The following ARHGEF28 variants were observed in gnomAD, a reference collection of about 807,000 sequenced individuals.
The protein encoded by ARHGEF28 is 190 kDa guanine nucleotide exchange factor.
A neutral mutation model predicts 206.6 loss-of-function variants in ARHGEF28; 152 were observed. The ratio of observed to expected loss-of-function variants is 0.74; its 90% confidence interval spans 0.64 to 0.84. The LOEUF (loss-of-function observed/expected upper bound fraction) is 0.84. Ranked by LOEUF, ARHGEF28 falls within the 40% of genes least tolerant of loss-of-function variation. ARHGEF28 has a pLI of 0.00. For synonymous variants in ARHGEF28, 763 were observed against 776.4 expected (o/e 0.98, Z 0.29); for missense variants, 2,028 against 2,073.2 (o/e 0.98, Z 0.42).
At chr5:73,750,567 CT>C (rs1187486572) in intron 3 of ARHGEF28, among the ~76,000 whole-genome samples, 1 of 152,076 alleles carries the variant, frequency 6.6e-6, no homozygotes, top group African/African-American at 2.4e-5. Context: ...GTAATTTCCC[CT>C]GTTGTCTTCT....
chr5:73,809,749 T>C lies in ARHGEF28; in HGVS notation c.1024+14358T>C, dbSNP rs1372295538. The stretch of plus-strand genomic sequence containing the variant: ...CAGCAGTATCTTCTCTGAATAATTA[T>C]AACCTCATGGAAGTTCTTTTCTAGG... On this transcript the variant is annotated intron_variant, in intron 9 of 35. Coordinates refer to ENST00000513042, the MANE Select transcript of ARHGEF28 (RefSeq NM_001177693.2). 2.6e-5 allele frequency among the ~76,000 whole-genome samples: 4 copies of C among 152,244 alleles called. No homozygotes were observed. In the East Asian group the frequency reaches 7.7e-4, roughly 29 times the overall value.
In ARHGEF28 at chr5:73,909,621, G is replaced by T. The variant is rs1333119680; in HGVS notation, c.4371G>T (p.Arg1457Ser). 1 of 1,551,694 alleles carries T rather than the reference G, an allele frequency of 6.4e-7. No homozygotes were observed. Among genetic ancestry groups the T allele is most frequent in the Non-Finnish European group, 8.7e-7 (1 of 1,147,796 alleles). ...LQQEQRRWLR[R>S]CEQQQRAQAT... The stretch of plus-strand genomic sequence containing the variant: ...AGGAGCAGCGGCGCTGGCTGCGCAG[G>T]TGTGAGCAGCAGCAGCGGGCGCAGG... Residue 1457 changes from arginine (R) to serine (S), a missense_variant, in exon 34 of 36, where the codon AGG (arginine) becomes AGT (serine). Physicochemically the swap from Arg to Ser is moderately radical, Grantham distance 110. Transcript: ENST00000513042.
intron 33 of ARHGEF28, among the ~76,000 whole-genome samples, chr5:73,907,998 T>C (rs1418616188): frequency 1.3e-5 from 2 of 152,210 alleles, no homozygotes; most frequent in Non-Finnish European, 2.9e-5. Context: ...AGTGGTGATG[T>C]ATAGTCTACA....
chr5:73,719,412 G>GAA (rs34402245), intron 2 of ARHGEF28, among the ~76,000 whole-genome samples: 13 of 114,082 alleles, frequency 1.1e-4, no homozygotes, highest in Middle Eastern at 4.7e-3. Flanking sequence ...CTCCGTCTCA[G>GAA]AAAAAAAAAA....
At chr5:73,660,190 C>G (rs1482853109) in intron 1 of ARHGEF28, among the ~76,000 whole-genome samples, 1 of 152,180 alleles carries the variant, frequency 6.6e-6, no homozygotes, top group African/African-American at 2.4e-5. Flanking sequence ...GTCTTTTCAA[C>G]AACGTTCACA....
At position 73,892,144 on chromosome 5, in the gene ARHGEF28, T is replaced by C. The variant is rs756098104; in HGVS notation, c.3480T>C (p.Ser1160=). ...GAATGTTTCTGATCAGTGCTTCATC[T>C]GCTGGTCCTGAGATGTATGAAATTC... ...ERGMFLISAS[S]AGPEMYEIHT... is the part of the protein sequence containing the mutation. Residue 1160 remains serine (S), a synonymous_variant, in exon 27 of 36, where the codon TCT becomes TCC. Coordinates refer to ENST00000513042, the MANE Select transcript of ARHGEF28 (RefSeq NM_001177693.2). The C allele has an allele frequency of 1.3e-6, 2 of 1,587,624 alleles. No individual in the cohort carries two copies. The highest frequency in any genetic ancestry group is 4.5e-5 in the East Asian group (2 of 44,274).
rs1055110011 is a variant in ARHGEF28, at chr5:73,643,895, A to G, written c.-12+17573A>G. ...TTTTATTTTGAGATTATCACTGGAA[A>G]TATCTTTGTCATCTAGATGTGGGGA... On this transcript the variant is annotated intron_variant, in intron 1 of 35. Coordinates refer to ENST00000513042, the MANE Select transcript of ARHGEF28 (RefSeq NM_001177693.2). Among the ~76,000 whole-genome samples the G allele has an allele frequency of 3.9e-5, 6 of 152,186 alleles. No individual in the cohort carries two copies. In the South Asian group the frequency reaches 8.3e-4, roughly 21 times the overall value.
intron 1 of ARHGEF28, among the ~76,000 whole-genome samples, chr5:73,669,308 C>T (rs1242634649): frequency 6.6e-6 from 1 of 152,002 alleles, no homozygotes; most frequent in Non-Finnish European, 1.5e-5. Flanking sequence ...TAGTAGCCAC[C>T]ACAAAGGAGA....
At chr5:73,687,625 G>A (rs1300281610) in intron 2 of ARHGEF28, among the ~76,000 whole-genome samples, 1 of 152,000 alleles carries the variant, frequency 6.6e-6, no homozygotes, top group African/African-American at 2.4e-5. Context: ...TTTTGGGGAA[G>A]AACCTGCTCT....
At chr5:73,812,561 C>T (rs1755908645) in intron 9 of ARHGEF28, among the ~76,000 whole-genome samples, 1 of 152,094 alleles carries the variant, frequency 6.6e-6, no homozygotes, top group Non-Finnish European at 1.5e-5. Flanking sequence ...TTATTTGGGG[C>T]ATGGATATCT....
In ARHGEF28 at chr5:73,940,873, A is replaced by AC. The variant is rs1050477872; in HGVS notation, c.4984dup (p.His1662ProfsTer2). 1.0e-5 allele frequency: 16 copies of AC among 1,527,142 alleles called. No individual in the cohort carries two copies. The highest frequency in any genetic ancestry group is 1.4e-5 in the African/African-American group (1 of 72,404). The allele number at this position is 1,527,142 out of a possible 1,614,324, so 94.6% of individuals were successfully genotyped here. On this transcript the variant is annotated frameshift_variant, in exon 36 of 36. Coordinates refer to ENST00000513042, the MANE Select transcript of ARHGEF28 (RefSeq NM_001177693.2). LOFTEE classifies it low-confidence loss of function (END_TRUNC). ...GGACACCTCCCACACTGAGTCCCCA[A>AC]CCCCCCATGACTCAAATTCACACCG...
chr5:73,824,060 A>T (rs1756751872), intron 9 of ARHGEF28, among the ~76,000 whole-genome samples: 2 of 152,292 alleles, frequency 1.3e-5, no homozygotes, highest in African/African-American at 4.8e-5. Context: ...AGCAGTTCAT[A>T]TTTTACATCT....
At chr5:73,782,341 A>G (rs1015764027) in intron 7 of ARHGEF28, among the ~76,000 whole-genome samples, 9 of 152,150 alleles carry the variant, frequency 5.9e-5, no homozygotes, top group African/African-American at 2.2e-4. Flanking sequence ...CGGGAGGCTG[A>G]GACAAGAGAA....
At chr5:73,809,124 G>A (rs1188654101) in intron 9 of ARHGEF28, among the ~76,000 whole-genome samples, 3 of 151,744 alleles carry the variant, frequency 2.0e-5, no homozygotes, top group African/African-American at 7.3e-5. Flanking sequence ...AGAATCACTG[G>A]AGCCTGGATG....
chr5:73,874,154 TG>T (rs1330279108), intron 22 of ARHGEF28, among the ~76,000 whole-genome samples: 2 of 152,204 alleles, frequency 1.3e-5, no homozygotes, highest in Non-Finnish European at 2.9e-5. Context: ...TGTGCTTATT[TG>T]CCATCTATAT....
chr5:73,807,487 C>CTTTTT (rs577924923), intron 9 of ARHGEF28, among the ~76,000 whole-genome samples: 14 of 142,338 alleles, frequency 9.8e-5, no homozygotes, highest in African/African-American at 3.6e-4. Context: ...CAATGTAATT[C>CTTTTT]TTTTTTTTTT....
At chr5:73,831,323 C>G (rs967494561) in intron 9 of ARHGEF28, among the ~76,000 whole-genome samples, 1 of 152,154 alleles carries the variant, frequency 6.6e-6, no homozygotes. Context: ...AGACACAAGG[C>G]GTTCTAGCTC....
intron 7 of ARHGEF28, among the ~76,000 whole-genome samples, chr5:73,790,682 A>G (rs1307682878): frequency 1.3e-4 from 4 of 30,302 alleles, no homozygotes; most frequent in African/African-American, 3.8e-4. Flanking sequence ...CACTTTTAGG[A>G]AAAAAAAAAA....
chr5:73,692,813 C>A (rs921636263), intron 2 of ARHGEF28, among the ~76,000 whole-genome samples: 1 of 152,156 alleles, frequency 6.6e-6, no homozygotes, highest in Admixed American at 6.5e-5. Context: ...TCTGGGGTCA[C>A]CCAGCAGGGG....
Sources: gnomAD v4.1 joint callset for allele counts (sites outside exome capture counted in the v4.1 genomes callset) on GRCh38, gnomAD v4.1.1 for gene constraint, MANE v1.5 for transcripts, NCBI Gene and HGNC (gene_info 2026-07-23, HGNC 2026-07-21) for gene names.